FERMT2: variants seen among roughly 807,000 people sequenced by gnomAD.
FERMT2 encodes the protein fermitin family homolog 2.
In FERMT2, 15 loss-of-function variants were observed where a neutral mutation model predicts 82.7. The observed-to-expected ratio is 0.18, with a 90% CI of 0.12 to 0.28. The LOEUF (loss-of-function observed/expected upper bound fraction) is 0.28. FERMT2 is among the 10% of genes least tolerant of loss of function. FERMT2 has a pLI of 1.00. For missense variants in FERMT2, 645 were observed against 809.4 expected (o/e 0.80, Z 2.46); for synonymous variants, 274 against 271.5 (o/e 1.01, Z -0.09).
chr14:52,926,958 T>C (rs1240559189), intron 2 of FERMT2, among the ~76,000 whole-genome samples: 1 of 152,130 alleles, frequency 6.6e-6, no homozygotes, highest in African/African-American at 2.4e-5. Flanking sequence ...GTGTCCCTCC[T>C]CCCTTATTTA....
At chr14:52,927,442 C>T (rs949040532) in intron 2 of FERMT2, among the ~76,000 whole-genome samples, 1 of 151,674 alleles carries the variant, frequency 6.6e-6, no homozygotes, top group Non-Finnish European at 1.5e-5. Context: ...CCAATTCCTA[C>T]TTGACTGTTT....
rs528877437 is a variant in FERMT2, at chr14:52,946,728, G to A, written c.157+3684C>T. On this transcript the variant is annotated intron_variant, in intron 2 of 14. Coordinates refer to ENST00000341590, the MANE Select transcript of FERMT2 (RefSeq NM_006832.3). The stretch of plus-strand genomic sequence containing the variant: ...GAGTCTTGCTCTGTCGCTTAGGCTG[G>A]GTGGTGTGATTTTGGCTCACTGCAA... Among the ~76,000 whole-genome samples the A allele has an allele frequency of 2.4e-4, 36 of 152,026 alleles. 1 individual carries two copies. Among genetic ancestry groups the A allele is most frequent in the African/African-American group, 7.7e-4 (32 of 41,450 alleles).
intron 3 of FERMT2, among the ~76,000 whole-genome samples, chr14:52,903,782 G>A (rs1474618486): frequency 1.3e-5 from 2 of 152,038 alleles, no homozygotes; most frequent in Non-Finnish European, 2.9e-5. Context: ...AAATAAGAGA[G>A]CAAATCAACA....
At chr14:52,946,490 A>G (rs12885689) in intron 2 of FERMT2, among the ~76,000 whole-genome samples, 1 of 151,780 alleles carries the variant, frequency 6.6e-6, no homozygotes, top group African/African-American at 2.4e-5. Flanking sequence ...CATCTCTACG[A>G]AAAATTTTAA....
intron 4 of FERMT2, among the ~76,000 whole-genome samples, chr14:52,892,159 G>GGTTTTTTTTTT (rs1555368978): frequency 4.7e-4 from 37 of 78,804 alleles, no homozygotes; most frequent in African/African-American, 1.4e-3. Flanking sequence ...AGAGAAGGCT[G>GGTTTTTTTTTT]TTTTTTGTTT....
chr14:52,912,872 C>T (rs1888403082), intron 3 of FERMT2, among the ~76,000 whole-genome samples: 1 of 152,092 alleles, frequency 6.6e-6, no homozygotes, highest in Admixed American at 6.6e-5. Flanking sequence ...TTCTTTATTC[C>T]ATCATTTTTT....
At chr14:52,866,781 G>T (rs1391938572) in intron 10 of FERMT2, among the ~76,000 whole-genome samples, 1 of 152,126 alleles carries the variant, frequency 6.6e-6, no homozygotes, top group Non-Finnish European at 1.5e-5. Context: ...AAAGCCACCA[G>T]AAGTTAAGTC....
chr14:52,925,663 G>T (rs1243507270), intron 2 of FERMT2, among the ~76,000 whole-genome samples: 1 of 151,952 alleles, frequency 6.6e-6, no homozygotes, highest in Non-Finnish European at 1.5e-5. Flanking sequence ...GTTTGAGATG[G>T]AGTCTTGCTC....
At chr14:52,922,659 G>A (rs1478650013) in intron 2 of FERMT2, among the ~76,000 whole-genome samples, 1 of 152,178 alleles carries the variant, frequency 6.6e-6, no homozygotes, top group Non-Finnish European at 1.5e-5. Flanking sequence ...AAGAGGTAAT[G>A]TGCCACCAAC....
chr14:52,944,806 CT>C (rs1890253802), intron 2 of FERMT2, among the ~76,000 whole-genome samples: 1 of 152,214 alleles, frequency 6.6e-6, no homozygotes, highest in South Asian at 2.1e-4. Flanking sequence ...CATAAATGAA[CT>C]TTTTTCATTA....
chr14:52,917,651 T>C (rs1888688453), intron 3 of FERMT2, among the ~76,000 whole-genome samples: 1 of 152,138 alleles, frequency 6.6e-6, no homozygotes, highest in South Asian at 2.1e-4. Flanking sequence ...TTAAAAATTG[T>C]AGGCGGGGAG....
intron 14 of FERMT2, 25 bp from the exon 15 acceptor site, chr14:52,858,575 G>C (rs1884705897): frequency 6.2e-7 from 1 of 1,609,680 alleles, no homozygotes; most frequent in South Asian, 1.1e-5. Flanking sequence ...AGAGCCATCA[G>C]TGCTGTCCCA....
chr14:52,932,223 C>T (rs539283480), intron 2 of FERMT2, among the ~76,000 whole-genome samples: 3 of 152,280 alleles, frequency 2.0e-5, no homozygotes, highest in Non-Finnish European at 4.4e-5. Flanking sequence ...TCTTAAATTA[C>T]ATGCCATTAG....
chr14:52,929,713 T>G (rs1889474335), intron 2 of FERMT2, among the ~76,000 whole-genome samples: 2 of 152,204 alleles, frequency 1.3e-5, no homozygotes, highest in Non-Finnish European at 2.9e-5. Flanking sequence ...GAGAAGCCTT[T>G]TTTAGCTACC....
intron 12 of FERMT2, 141 bp downstream of exon 12, chr14:52,864,260 T>C: frequency 1.6e-6 from 1 of 620,478 alleles, no homozygotes; most frequent in Non-Finnish European, 2.8e-6. Flanking sequence ...AGATTAGGGA[T>C]ACTCTAACTG....
At chr14:52,934,501 A>G (rs985757468) in intron 2 of FERMT2, among the ~76,000 whole-genome samples, 1 of 152,218 alleles carries the variant, frequency 6.6e-6, no homozygotes, top group Non-Finnish European at 1.5e-5. Context: ...GGATCAACTT[A>G]AAACATTTTG....
At chr14:52,932,660 C>A (rs1254584630) in intron 2 of FERMT2, among the ~76,000 whole-genome samples, 1 of 152,162 alleles carries the variant, frequency 6.6e-6, no homozygotes, top group Middle Eastern at 3.2e-3. Flanking sequence ...GAAATTAAGA[C>A]TTCTACTGTC....
At chr14:52,901,812 A>C (rs994196166) in intron 3 of FERMT2, among the ~76,000 whole-genome samples, 1 of 152,214 alleles carries the variant, frequency 6.6e-6, no homozygotes, top group African/African-American at 2.4e-5. Flanking sequence ...TCAGCCACTT[A>C]AGAGTCTATA....
chr14:52,933,896 C>G (rs1230850746), intron 2 of FERMT2, among the ~76,000 whole-genome samples: 5 of 151,942 alleles, frequency 3.3e-5, no homozygotes, highest in Non-Finnish European at 5.9e-5. Flanking sequence ...GTGGAACAAG[C>G]TGGTGTTTCA....
Sources: allele counts gnomAD v4.1 joint callset (sites outside exome capture counted in the v4.1 genomes callset), GRCh38; gene constraint gnomAD v4.1.1; transcripts MANE v1.5; gene names NCBI Gene and HGNC (gene_info 2026-07-23, HGNC 2026-07-21).